Variants in CDC25C observed in about 807,000 individuals in gnomAD.
CDC25C encodes the protein M-phase inducer phosphatase 3.
A neutral mutation model predicts 52.5 loss-of-function variants in CDC25C; 48 were observed. That is an observed-to-expected ratio of 0.91 (90% CI 0.72 to 1.16). The LOEUF is 1.16. Ranked by LOEUF, CDC25C falls within the 50% of genes most tolerant of loss-of-function variation. The probability of loss-of-function intolerance (pLI) is 0.00; values close to 1 mark genes in which losing one functional copy is unlikely to be tolerated. For missense variants in CDC25C, 510 were observed against 566.1 expected (o/e 0.90, Z 1.01); for synonymous variants, 187 against 206.5 (o/e 0.91, Z 0.81).
At chr5:138,337,896 G>C (rs985851168) in intron 1 of CDC25C, 60 of 1,207,468 alleles carry the variant, frequency 5.0e-5, no homozygotes, top group Non-Finnish European at 6.3e-5. Context: ...CCCGAACCGA[G>C]TGGGAGGCTG....
intron 7 of CDC25C, among the ~76,000 whole-genome samples, chr5:138,301,503 G>A (rs1757622787): frequency 6.6e-6 from 1 of 151,392 alleles, no homozygotes; most frequent in Non-Finnish European, 1.5e-5. Context: ...CCGGTGAATC[G>A]TGCCAAACAT....
chr5:138,322,324 G>T (rs921517475), intron 6 of CDC25C, among the ~76,000 whole-genome samples: 19 of 151,108 alleles, frequency 1.3e-4, no homozygotes, highest in African/African-American at 4.6e-4. Context: ...ATTTGAGACA[G>T]AGTCTCGCTC....
intron 6 of CDC25C, among the ~76,000 whole-genome samples, chr5:138,320,064 C>A (rs1026759732): frequency 6.6e-6 from 1 of 152,104 alleles, no homozygotes; most frequent in Non-Finnish European, 1.5e-5. Flanking sequence ...CCCAGTACTT[C>A]GGGAGGCCGA....
At chr5:138,290,017 T>C (rs1756576986) in intron 9 of CDC25C, among the ~76,000 whole-genome samples, 1 of 152,034 alleles carries the variant, frequency 6.6e-6, no homozygotes, top group African/African-American at 2.4e-5. Flanking sequence ...AAGTGAGCTA[T>C]GATCATGCCA....
At chr5:138,316,362 G>T (rs1164894097) in intron 7 of CDC25C, among the ~76,000 whole-genome samples, 1 of 152,194 alleles carries the variant, frequency 6.6e-6, no homozygotes, top group Non-Finnish European at 1.5e-5. Flanking sequence ...TAGAATTTGG[G>T]CACGGAGAAG....
chr5:138,290,762 C>T (rs755644109), intron 8 of CDC25C, 22 bp from the exon 9 acceptor site: 7 of 1,380,566 alleles, frequency 5.1e-6, no homozygotes, highest in East Asian at 2.3e-5. Flanking sequence ...AAGATTCCCA[C>T]CCCACACCCA....
At chr5:138,319,724 C>T (rs1017711115) in intron 6 of CDC25C, among the ~76,000 whole-genome samples, 1 of 152,114 alleles carries the variant, frequency 6.6e-6, no homozygotes, top group African/African-American at 2.4e-5. Context: ...TCAAAAGGGA[C>T]ATGAATAGAC....
intron 13 of CDC25C, 42 bp from the exon 14 acceptor site, chr5:138,285,883 G>A: frequency 6.2e-7 from 1 of 1,603,268 alleles, no homozygotes; most frequent in Admixed American, 1.7e-5. Flanking sequence ...CTAGACTCCT[G>A]AACTCTACCT....
At chr5:138,305,400 AATT>A (rs919219738) in intron 7 of CDC25C, among the ~76,000 whole-genome samples, 1 of 151,800 alleles carries the variant, frequency 6.6e-6, no homozygotes, top group South Asian at 2.1e-4. Context: ...GCAATTACTA[AATT>A]ATTATTATTA....
intron 7 of CDC25C, 87 bp from the exon 8 acceptor site, chr5:138,292,203 T>G: frequency 9.2e-7 from 1 of 1,085,938 alleles, no homozygotes; most frequent in South Asian, 1.7e-5. Flanking sequence ...GGAGCTTCTT[T>G]GAAATGCAGG....
intron 6 of CDC25C, among the ~76,000 whole-genome samples, chr5:138,322,542 C>T (rs1246768763): frequency 7.7e-6 from 1 of 130,708 alleles, no homozygotes; most frequent in African/African-American, 2.9e-5. Flanking sequence ...GTGGCACGAT[C>T]TCGGCTCACT....
Position 138,326,019 on chromosome 5 carries a change from A to G in CDC25C, c.369+2T>C. 1 of 1,614,236 alleles carries G rather than the reference A, an allele frequency of 6.2e-7. No homozygotes were observed. The highest frequency in any genetic ancestry group is 1.3e-5 in the African/African-American group (1 of 75,072). On this transcript the variant is annotated splice_donor_variant, in intron 5 of 13. Coordinates refer to ENST00000323760, the MANE Select transcript of CDC25C (RefSeq NM_001790.5). LOFTEE classifies it high-confidence loss of function. ...AAACCCAAAAAAAGAGAGGCTACTC[A>G]CTGGGCTACATTTCATTAGGTGCTG...
In CDC25C at chr5:138,289,578, G is replaced by T; in HGVS notation, c.865-15C>A. The T allele has an allele frequency of 6.2e-7, 1 of 1,607,682 alleles. No homozygotes were observed. Among genetic ancestry groups the T allele is most frequent in the Non-Finnish European group, 8.5e-7 (1 of 1,174,236 alleles). On this transcript the variant is annotated splice_polypyrimidine_tract_variant and intron_variant, in intron 9 of 13. Transcript: ENST00000323760. Reference sequence around the variant, plus strand: ...AGCGCACATACCTAGAAATACACAAGAGCTGAAATAACAGCAAGTATTCCA... The same window carrying T: ...AGCGCACATACCTAGAAATACACAATAGCTGAAATAACAGCAAGTATTCCA...
intron 7 of CDC25C, among the ~76,000 whole-genome samples, chr5:138,295,729 G>T (rs1219046322): frequency 2.0e-5 from 3 of 152,008 alleles, no homozygotes; most frequent in Non-Finnish European, 4.4e-5. Flanking sequence ...GAGAGATAAT[G>T]AAGATGGTAC....
At chr5:138,332,853 C>T (rs777231776), upstream of CDC25C, among the ~76,000 whole-genome samples, 1 of 152,138 alleles carries the variant, frequency 6.6e-6, no homozygotes, top group Non-Finnish European at 1.5e-5. Context: ...AACAAAAAGA[C>T]ATTCCTAATG....
intron 6 of CDC25C, among the ~76,000 whole-genome samples, chr5:138,324,509 C>T (rs1199171107): frequency 6.6e-6 from 1 of 151,860 alleles, no homozygotes; most frequent in African/African-American, 2.4e-5. Context: ...GCTGTAATCC[C>T]AGCACTTTGG....
At chr5:138,331,314 G>T in intron 1 of CDC25C, 96 bp from the exon 2 acceptor site, 1 of 869,750 alleles carries the variant, frequency 1.1e-6, no homozygotes, top group African/African-American at 1.7e-5. Flanking sequence ...AACACTGGAA[G>T]AGGGGCAACC....
rs921623940 is a variant in CDC25C, at chr5:138,322,762, A to C, written c.459+3053T>G. Among the ~76,000 whole-genome samples, 6 of 150,792 alleles carry C rather than the reference A, an allele frequency of 4.0e-5. No homozygotes were observed. In the East Asian group the frequency reaches 9.8e-4, roughly 25 times the overall value. On this transcript the variant is annotated intron_variant, in intron 6 of 13. Coordinates refer to ENST00000323760, the MANE Select transcript of CDC25C (RefSeq NM_001790.5). ...AGTGCTGGAATTACAGGCGTGAGCC[A>C]CCGCGCCCGGCCCTGGCTAATTTTC...
chr5:138,309,177 C>T (rs1162840897), intron 7 of CDC25C, among the ~76,000 whole-genome samples: 2 of 151,570 alleles, frequency 1.3e-5, no homozygotes, highest in South Asian at 2.1e-4. Context: ...AATACTTCCA[C>T]TAAGCTTCTC....
Sources: allele counts gnomAD v4.1 joint callset (sites outside exome capture counted in the v4.1 genomes callset), GRCh38; gene constraint gnomAD v4.1.1; transcripts MANE v1.5; gene names NCBI Gene and HGNC (gene_info 2026-07-23, HGNC 2026-07-21).